The following SEMA6D variants were observed in gnomAD, a reference collection of about 807,000 sequenced individuals.
SEMA6D encodes the protein semaphorin-6D.
Under a neutral mutation model 106.6 loss-of-function variants are expected in SEMA6D, and 35 were observed. The ratio of observed to expected loss-of-function variants is 0.33; its 90% CI spans 0.25 to 0.44. The LOEUF (loss-of-function observed/expected upper bound fraction) is 0.44. Among genes scored for constraint, SEMA6D ranks in the 20% least tolerant of loss-of-function variants. The pLI, the probability that SEMA6D is intolerant of heterozygous loss-of-function variation, is 1.00. For missense variants in SEMA6D, 1,185 were observed against 1,345.9 expected (o/e 0.88, Z 1.87); for synonymous variants, 499 against 487.7 (o/e 1.02, Z -0.31).
intron 3 of SEMA6D, among the ~76,000 whole-genome samples, chr15:47,583,152 C>A (rs1411624172): frequency 6.6e-6 from 1 of 152,122 alleles, no homozygotes; most frequent in Non-Finnish European, 1.5e-5. Context: ...CAAGGATGGC[C>A]CTAAGTCCAC....
intron 2 of SEMA6D, among the ~76,000 whole-genome samples, chr15:47,423,268 G>A (rs1011579592): frequency 1.3e-5 from 2 of 151,830 alleles, no homozygotes; most frequent in African/African-American, 4.9e-5. Context: ...ACTCACACAA[G>A]TGTATTTGAG....
chr15:47,506,079 G>A (rs2044027815), intron 3 of SEMA6D, among the ~76,000 whole-genome samples: 1 of 152,106 alleles, frequency 6.6e-6, no homozygotes, highest in African/African-American at 2.4e-5. Flanking sequence ...GGGAGTGGGA[G>A]AGCATGAGAA....
intron 1 of SEMA6D, among the ~76,000 whole-genome samples, chr15:47,219,613 G>A (rs1266001798): frequency 1.3e-5 from 2 of 152,084 alleles, no homozygotes; most frequent in Non-Finnish European, 2.9e-5. Flanking sequence ...TCAAACATAA[G>A]AAACATGGTG....
intron 4 of SEMA6D, among the ~76,000 whole-genome samples, chr15:47,644,642 A>G (rs931487137): frequency 6.6e-6 from 1 of 152,176 alleles, no homozygotes. Flanking sequence ...GCCCTTTGAG[A>G]GTGTAGCAAG....
chr15:47,438,560 G>C (rs571962433), intron 2 of SEMA6D, among the ~76,000 whole-genome samples: 1 of 151,836 alleles, frequency 6.6e-6, no homozygotes, highest in African/African-American at 2.4e-5. Context: ...CAGATCATTA[G>C]TTTCCTTCTT....
Position 47,766,020 on chromosome 15 carries a change from G to A in SEMA6D, c.1568+11G>A, listed in dbSNP as rs771327001. ...TGGATCATGTAAAAAGTAAGCTCGT[G>A]TTTCTTTACTTACCCTGGGTCTTGC... On this transcript the variant is annotated intron_variant, in intron 14 of 18. Coordinates refer to ENST00000536845, the MANE Select transcript of SEMA6D (RefSeq NM_001358351.3). 16 of 1,603,708 alleles carry A rather than the reference G, an allele frequency of 1.0e-5. No individual in the cohort carries two copies. In the East Asian group the frequency reaches 2.0e-4, roughly 20 times the overall value.
chr15:47,371,278 G>A (rs974348424), intron 1 of SEMA6D, among the ~76,000 whole-genome samples: 1 of 152,126 alleles, frequency 6.6e-6, no homozygotes, highest in South Asian at 2.1e-4. Context: ...TTTCTGCCAG[G>A]TAAGGATGAC....
chr15:47,760,018 T>A (rs2081974951), intron 2 of SEMA6D, 111 bp downstream of exon 2: 6 of 833,062 alleles, frequency 7.2e-6, no homozygotes, highest in Non-Finnish European at 1.2e-5. Context: ...TGTCTTAACC[T>A]TGAATTTGCA....
At chr15:47,524,634 T>C (rs2044693530) in intron 3 of SEMA6D, among the ~76,000 whole-genome samples, 1 of 152,126 alleles carries the variant, frequency 6.6e-6, no homozygotes, top group South Asian at 2.1e-4. Flanking sequence ...AGGTGTGATC[T>C]CGTTAGAGGG....
intron 2 of SEMA6D, among the ~76,000 whole-genome samples, chr15:47,469,935 CGA>C (rs1172561414): frequency 6.6e-6 from 1 of 151,980 alleles, no homozygotes; most frequent in African/African-American, 2.4e-5. Context: ...ATAAACTCCA[CGA>C]GACTTTGTAT....
intron 1 of SEMA6D, among the ~76,000 whole-genome samples, chr15:47,228,591 C>G (rs1046879717): frequency 6.6e-6 from 1 of 151,950 alleles, no homozygotes. Flanking sequence ...ATGTAGCTTC[C>G]TCCTTTTTAG....
chr15:47,296,164 C>T (rs1406750578), intron 1 of SEMA6D, among the ~76,000 whole-genome samples: 1 of 152,180 alleles, frequency 6.6e-6, no homozygotes, highest in African/African-American at 2.4e-5. Context: ...ACCCCATTTT[C>T]TTTACCTGGT....
intron 4 of SEMA6D, among the ~76,000 whole-genome samples, chr15:47,695,295 C>T (rs1437719613): frequency 1.3e-5 from 2 of 152,144 alleles, no homozygotes; most frequent in Non-Finnish European, 2.9e-5. Flanking sequence ...AATAGCCGTG[C>T]AAATTAATAT....
At chr15:47,392,333 G>A (rs4338738) in intron 1 of SEMA6D, among the ~76,000 whole-genome samples, 74,481 of 152,074 alleles carry the variant, frequency 0.49, 21,215 homozygotes, top group African/African-American at 0.8. Context: ...GTATATGGCA[G>A]AAGGGACTTT....
At chr15:47,359,692 G>A (rs1025983525) in intron 1 of SEMA6D, 3 of 151,950 alleles carry the variant, frequency 2.0e-5, no homozygotes, top group African/African-American at 4.8e-5. Flanking sequence ...AGAAAAAAGA[G>A]AAAGCAAAAG....
Position 47,451,339 on chromosome 15 carries a change from C to CA in SEMA6D, c.-158-19134dup, listed in dbSNP as rs1338025315. On this transcript the variant is annotated intron_variant, in intron 2 of 19. Coordinates refer to the SEMA6D transcript ENST00000558014. ...CTTCCTCAAAGAGGCCTGTGACCCC[C>CA]AGAAGTCTAAGAACTACTTGAGTAG... is the stretch of plus-strand genomic sequence containing the variant. Among the ~76,000 whole-genome samples the CA allele has an allele frequency of 5.3e-5, 8 of 152,100 alleles. No individual in the cohort carries two copies. In the South Asian group the frequency reaches 1.0e-3, roughly 20 times the overall value.
intron 1 of SEMA6D, among the ~76,000 whole-genome samples, chr15:47,325,308 G>A (rs546344672): frequency 6.6e-6 from 1 of 152,090 alleles, no homozygotes; most frequent in Admixed American, 6.5e-5. Context: ...CGAGTAAACT[G>A]GACTACAGGC....
At chr15:47,580,185 G>A (rs1442021056) in intron 3 of SEMA6D, among the ~76,000 whole-genome samples, 4 of 152,144 alleles carry the variant, frequency 2.6e-5, no homozygotes, top group South Asian at 4.1e-4. Context: ...GGAGGGACAG[G>A]AGCTAGCATT....
chr15:47,754,862 TACTC>T (rs1383622265), intron 1 of SEMA6D, among the ~76,000 whole-genome samples: 2 of 152,210 alleles, frequency 1.3e-5, no homozygotes, highest in African/African-American at 4.8e-5. Flanking sequence ...TTTGTCTTCT[TACTC>T]ACTAATCTTC....
Sources: allele counts gnomAD v4.1 joint callset (sites outside exome capture counted in the v4.1 genomes callset), GRCh38; gene constraint gnomAD v4.1.1; transcripts MANE v1.5; gene names NCBI Gene and HGNC (gene_info 2026-07-23, HGNC 2026-07-21).